Variants in FAM163A observed in about 807,000 individuals in gnomAD.
FAM163A encodes the protein protein FAM163A.
In FAM163A, 7 loss-of-function variants were observed where a neutral mutation model predicts 12.0. That is an observed-to-expected ratio of 0.58 (90% CI 0.33 to 1.10). The LOEUF is 1.10. Among genes scored for constraint, FAM163A ranks in the 50% least tolerant of loss-of-function variants. The pLI, the probability that FAM163A is intolerant of heterozygous loss-of-function variation, is 0.03. For synonymous variants in FAM163A, 101 were observed against 91.0 expected, an observed-to-expected ratio of 1.11 and a Z score of -0.62; for missense variants, 202 against 218.6, an observed-to-expected ratio of 0.92 and a Z score of 0.48.
At chr1:179,807,486 C>T (rs1341042443) in intron 1 of FAM163A, among the ~76,000 whole-genome samples, 1 of 152,202 alleles carries the variant, frequency 6.6e-6, no homozygotes, top group African/African-American at 2.4e-5. Context: ...CAGCCGAGCG[C>T]CCTGCCCCAC....
intron 1 of FAM163A, among the ~76,000 whole-genome samples, chr1:179,749,842 G>C (rs1021567821): frequency 1.3e-5 from 2 of 151,116 alleles, no homozygotes; most frequent in African/African-American, 4.9e-5. Flanking sequence ...CTGGGCAACA[G>C]AGTGAAACTC....
intron 1 of FAM163A, among the ~76,000 whole-genome samples, chr1:179,754,159 T>C (rs1365297646): frequency 6.6e-6 from 1 of 152,146 alleles, no homozygotes; most frequent in East Asian, 1.9e-4. Context: ...TGGAAGCCTT[T>C]CCATGACTCA....
intron 2 of FAM163A, 26 bp downstream of exon 2, chr1:179,807,914 CT>C: frequency 6.6e-6 from 1 of 152,534 alleles, no homozygotes; most frequent in Non-Finnish European, 1.5e-5. Flanking sequence ...GGGCCACTCC[CT>C]TTTCCTCTGG....
chr1:179,796,951 C>T (rs10798724), intron 1 of FAM163A, among the ~76,000 whole-genome samples: 29,550 of 152,130 alleles, frequency 0.19, 3,417 homozygotes, highest in African/African-American at 0.33. Flanking sequence ...CAGTTCTCAC[C>T]CCTTTAGCTC....
At chr1:179,738,110 T>C in the FAM163A span, among the ~76,000 whole-genome samples, 1 of 151,486 alleles carries the variant, frequency 6.6e-6, no homozygotes, top group Non-Finnish European at 1.5e-5. Context: ...GGAAGGGGAA[T>C]AGGGAGAGGG....
chr1:179,764,594 A>G (rs568743938), intron 1 of FAM163A, among the ~76,000 whole-genome samples: 11 of 152,308 alleles, frequency 7.2e-5, no homozygotes, highest in Admixed American at 3.3e-4. Context: ...TTTATGACTA[A>G]AAGTTTGAAA....
At chr1:179,751,010 C>T (rs1405131195) in intron 1 of FAM163A, among the ~76,000 whole-genome samples, 2 of 152,044 alleles carry the variant, frequency 1.3e-5, no homozygotes, top group Non-Finnish European at 2.9e-5. Context: ...TTGGTGATGC[C>T]ATTTCCTAAG....
chr1:179,775,376 C>A (rs911802512), intron 1 of FAM163A, among the ~76,000 whole-genome samples: 4 of 152,242 alleles, frequency 2.6e-5, no homozygotes, highest in Non-Finnish European at 2.9e-5. Flanking sequence ...TGCAGACAGC[C>A]AGTTTCTATC....
chr1:179,807,238 G>C (rs573722394), intron 1 of FAM163A, among the ~76,000 whole-genome samples: 1 of 152,312 alleles, frequency 6.6e-6, no homozygotes, highest in South Asian at 2.1e-4. Flanking sequence ...TCCACCATCA[G>C]CGCAGCAGCC....
At chr1:179,767,051 C>T (rs1283284975) in intron 1 of FAM163A, among the ~76,000 whole-genome samples, 4 of 152,146 alleles carry the variant, frequency 2.6e-5, no homozygotes, top group Non-Finnish European at 5.9e-5. Context: ...CCACCGCCCC[C>T]GGCCTTTACT....
chr1:179,808,669 C>T (rs1005043410), intron 2 of FAM163A, among the ~76,000 whole-genome samples: 18 of 152,326 alleles, frequency 1.2e-4, no homozygotes, highest in African/African-American at 4.1e-4. Flanking sequence ...ATTACCCATG[C>T]TGTTTTCGAT....
chr1:179,749,263 T>C (rs1013425418), intron 1 of FAM163A, among the ~76,000 whole-genome samples: 3 of 152,200 alleles, frequency 2.0e-5, no homozygotes, highest in African/African-American at 4.8e-5. Context: ...ATGGTCTCTA[T>C]ACTCCCCAGG....
rs1695178392 is a variant in FAM163A at position 179,815,042 on chromosome 1, C to T, written c.*853C>T. 1 of 152,104 alleles carries T rather than the reference C, an allele frequency of 6.6e-6. No individual in the cohort carries two copies. The highest frequency in any genetic ancestry group is 2.1e-4 in the South Asian group (1 of 4,832). The allele number at this position is 152,104 out of a possible 1,614,324, so 9.4% of individuals were successfully genotyped here. A position where few individuals can be genotyped will look rare whatever the true frequency, so the allele number is the denominator to read the frequency against. ...CGGCCCAGCCCACCACGCCGAGTAG[C>T]TTGTGTGGATGCAGTCCTGTGAGGG... is the stretch of plus-strand genomic sequence containing the variant. On this transcript the variant is annotated 3_prime_UTR_variant, in exon 5 of 5. Transcript: ENST00000341785.
intron 1 of FAM163A, among the ~76,000 whole-genome samples, chr1:179,778,861 A>G (rs922463332): frequency 6.6e-6 from 1 of 152,206 alleles, no homozygotes. Context: ...TTCTTCAAAC[A>G]CTGTGGAGCA....
chr1:179,793,571 G>C (rs1389926495), intron 1 of FAM163A, among the ~76,000 whole-genome samples: 1 of 152,158 alleles, frequency 6.6e-6, no homozygotes, highest in African/African-American at 2.4e-5. Flanking sequence ...AGCTCTAGAG[G>C]GTGTCTTATT....
At chr1:179,806,153 G>A (rs1693906361) in intron 1 of FAM163A, among the ~76,000 whole-genome samples, 1 of 152,162 alleles carries the variant, frequency 6.6e-6, no homozygotes, top group Admixed American at 6.5e-5. Context: ...AAGCATCCAC[G>A]GATCCTGAGA....
In FAM163A at chr1:179,813,073, CAG is replaced by C; in HGVS notation, c.-22_-21del. 10 of 1,551,390 alleles carry C rather than the reference CAG, an allele frequency of 6.4e-6. No individual in the cohort carries two copies. Among genetic ancestry groups the C allele is most frequent in the Non-Finnish European group, 8.7e-6 (10 of 1,146,774 alleles). ...GTCCTCAGCCCTCCGCACATCTTTG[CAG>C]AGTTTGATGGGGCGCCGGGCGGATG... On this transcript the variant is annotated splice_acceptor_variant, in intron 3 of 4. Transcript: ENST00000341785. LOFTEE classifies it low-confidence loss of function (5UTR_SPLICE).
intron 1 of FAM163A, among the ~76,000 whole-genome samples, chr1:179,798,690 C>G (rs1393829077): frequency 1.3e-5 from 2 of 152,104 alleles, no homozygotes; most frequent in African/African-American, 4.8e-5. Flanking sequence ...ATCCGACTGG[C>G]GGGATAAATA....
rs1445705023 is a variant in FAM163A at position 179,758,461 on chromosome 1, C to T, written c.-136+15038C>T. Among the ~76,000 whole-genome samples, 3 of 152,208 alleles carry T rather than the reference C, an allele frequency of 2.0e-5. No individual in the cohort carries two copies. In the East Asian group the frequency reaches 5.8e-4, roughly 29 times the overall value. On this transcript the variant is annotated intron_variant, in intron 1 of 4. Transcript: ENST00000341785. ...AAGGGTGAACGCCCCACCCCTACTC[C>T]ATCACCTTTCTCTCTGCCCCAGCTT... is the stretch of plus-strand genomic sequence containing the variant.
Sources: allele counts gnomAD v4.1 joint callset (sites outside exome capture counted in the v4.1 genomes callset), GRCh38; gene constraint gnomAD v4.1.1; transcripts MANE v1.5; gene names NCBI Gene and HGNC (gene_info 2026-07-23, HGNC 2026-07-21).